EYS: variants seen among roughly 807,000 people sequenced by gnomAD.
The protein encoded by EYS is protein eyes shut homolog.
In EYS, 250 loss-of-function variants were observed where a neutral mutation model predicts 282.1. The observed-to-expected ratio is 0.89, with a 90% CI of 0.80 to 0.98. The LOEUF (loss-of-function observed/expected upper bound fraction) is 0.98, where lower values mean the gene tolerates loss of function less well. EYS is among the 50% of genes least tolerant of loss of function. The pLI, the probability that EYS is intolerant of heterozygous loss-of-function variation, is 0.00. For synonymous variants in EYS, 1,355 were observed against 1,282.9 expected, an observed-to-expected ratio of 1.06 and a Z score of -1.20; for missense variants, 4,016 against 3,709.0, an observed-to-expected ratio of 1.08 and a Z score of -2.15.
At chr6:65,355,101 G>A (rs895811412) in intron 8 of EYS, among the ~76,000 whole-genome samples, 1 of 151,944 alleles carries the variant, frequency 6.6e-6, no homozygotes, top group Non-Finnish European at 1.5e-5. Context: ...ATATATGACT[G>A]TACAAAATAA....
chr6:65,486,638 C>T (rs1765793832), intron 5 of EYS, among the ~76,000 whole-genome samples: 1 of 152,046 alleles, frequency 6.6e-6, no homozygotes, highest in Admixed American at 6.6e-5. Context: ...TTTGGAATAG[C>T]TGGGCTTGTG....
Position 63,909,380 on chromosome 6 carries a change from A to C in EYS, c.7056-45022T>G, listed in dbSNP as rs185058441. 1.8e-4 allele frequency among the ~76,000 whole-genome samples: 27 copies of C among 152,318 alleles called. No homozygotes were observed. In the East Asian group the frequency reaches 5.0e-3, roughly 28 times the overall value. On this transcript the variant is annotated intron_variant, in intron 35 of 42. Transcript: ENST00000503581. ...TATATATTTTTAATTTACTAGGCCCACATATAAGAATGTCTTTGCAAATAA... is the reference window on the plus strand; with the variant it reads ...TATATATTTTTAATTTACTAGGCCCCCATATAAGAATGTCTTTGCAAATAA...
At chr6:64,531,518 C>T (rs1764334743) in intron 26 of EYS, among the ~76,000 whole-genome samples, 1 of 150,098 alleles carries the variant, frequency 6.7e-6, no homozygotes, top group Non-Finnish European at 1.5e-5. Context: ...TCCCGAATAT[C>T]TGGGACTGCA....
chr6:64,135,174 A>G (rs1774117371), intron 31 of EYS, among the ~76,000 whole-genome samples: 1 of 151,936 alleles, frequency 6.6e-6, no homozygotes, highest in African/African-American at 2.4e-5. Flanking sequence ...TAGTAGGCAC[A>G]GAAAGATGCA....
intron 21 of EYS, among the ~76,000 whole-genome samples, chr6:64,820,903 G>C (rs770479606): frequency 7.2e-5 from 11 of 151,954 alleles, no homozygotes; most frequent in Non-Finnish European, 1.5e-4. Flanking sequence ...TTTTACTGAC[G>C]AGGGAGAGAG....
chr6:64,772,620 T>G (rs1773558225), intron 22 of EYS, among the ~76,000 whole-genome samples: 1 of 151,782 alleles, frequency 6.6e-6, no homozygotes, highest in Admixed American at 6.6e-5. Flanking sequence ...TCTAACTATA[T>G]TTTTGTATCC....
intron 30 of EYS, among the ~76,000 whole-genome samples, chr6:64,249,621 T>G (rs1334521645): frequency 6.6e-6 from 1 of 152,120 alleles, no homozygotes; most frequent in Admixed American, 6.5e-5. Flanking sequence ...GAGAGAAATT[T>G]TTCCAGGGCT....
At chr6:63,822,836 G>T (rs1026852773) in intron 36 of EYS, among the ~76,000 whole-genome samples, 1 of 152,098 alleles carries the variant, frequency 6.6e-6, no homozygotes, top group Non-Finnish European at 1.5e-5. Context: ...TAATTGAAGA[G>T]GTTTTAGTGT....
intron 5 of EYS, among the ~76,000 whole-genome samples, chr6:65,462,699 A>C (rs1764863207): frequency 6.6e-6 from 1 of 152,034 alleles, no homozygotes; most frequent in African/African-American, 2.4e-5. Flanking sequence ...AGGAACTTTA[A>C]TGTCTATAAT....
intron 12 of EYS, among the ~76,000 whole-genome samples, chr6:65,219,767 T>A (rs1443067580): frequency 2.6e-5 from 4 of 152,066 alleles, no homozygotes; most frequent in Non-Finnish European, 5.9e-5. Flanking sequence ...GTTGGGGAAT[T>A]CTCACAATCA....
intron 35 of EYS, among the ~76,000 whole-genome samples, chr6:63,960,503 T>A (rs532952817): frequency 1.8e-4 from 28 of 152,334 alleles, no homozygotes; most frequent in African/African-American, 6.5e-4. Context: ...GTGGCAGGAT[T>A]TGAAACAAGT....
At chr6:65,573,133 A>G (rs1764536454) in intron 2 of EYS, among the ~76,000 whole-genome samples, 1 of 152,172 alleles carries the variant, frequency 6.6e-6, no homozygotes, top group African/African-American at 2.4e-5. Flanking sequence ...GAGTGGGCAT[A>G]GCAGCTCTCA....
At chr6:63,831,715 C>CA (rs1296811045) in intron 36 of EYS, among the ~76,000 whole-genome samples, 5 of 152,158 alleles carry the variant, frequency 3.3e-5, no homozygotes, top group Non-Finnish European at 5.9e-5. Flanking sequence ...ACTAAGCAGA[C>CA]ATAATAGGCA....
At chr6:64,796,196 T>C (rs1374459249) in intron 22 of EYS, among the ~76,000 whole-genome samples, 1 of 152,216 alleles carries the variant, frequency 6.6e-6, no homozygotes, top group Non-Finnish European at 1.5e-5. Flanking sequence ...TGCCCAATCA[T>C]AGAAGATTAT....
intron 26 of EYS, among the ~76,000 whole-genome samples, chr6:64,530,663 T>A (rs1764299231): frequency 6.6e-6 from 1 of 152,124 alleles, no homozygotes; most frequent in South Asian, 2.1e-4. Context: ...TTGGCTGTTT[T>A]TTACCCTTCT....
At chr6:63,738,609 G>A (rs1000361128) in intron 41 of EYS, among the ~76,000 whole-genome samples, 30 of 108,564 alleles carry the variant, frequency 2.8e-4, no homozygotes, top group African/African-American at 9.5e-4. Flanking sequence ...AGGGGGGAGG[G>A]ATAGCTTTAG....
chr6:64,425,865 T>C (rs1324815413), intron 28 of EYS, among the ~76,000 whole-genome samples: 3 of 150,810 alleles, frequency 2.0e-5, no homozygotes, highest in Non-Finnish European at 4.4e-5. Flanking sequence ...CATGGAGGGA[T>C]GTGTGAATGG....
intron 24 of EYS, among the ~76,000 whole-genome samples, chr6:64,615,306 A>G (rs1054706169): frequency 3.3e-5 from 5 of 152,110 alleles, no homozygotes; most frequent in Non-Finnish European, 5.9e-5. Context: ...TATTCTTTTA[A>G]TATCCCATTT....
intron 12 of EYS, among the ~76,000 whole-genome samples, chr6:65,094,915 A>T (rs1460983071): frequency 6.6e-6 from 1 of 151,370 alleles, no homozygotes; most frequent in Admixed American, 6.6e-5. Flanking sequence ...AACAAAGTAA[A>T]GAGTTGGTTT....
Sources: gnomAD v4.1 joint callset for allele counts (sites outside exome capture counted in the v4.1 genomes callset) on GRCh38, gnomAD v4.1.1 for gene constraint, MANE v1.5 for transcripts, NCBI Gene and HGNC (gene_info 2026-07-23, HGNC 2026-07-21) for gene names.